Variants in DTNB observed in about 807,000 individuals in gnomAD.
The protein encoded by DTNB is dystrobrevin beta, also known as DTN-B.
A neutral mutation model predicts 90.7 loss-of-function variants in DTNB; 63 were observed. That is an observed-to-expected ratio of 0.69 (90% CI 0.57 to 0.86). DTNB has a LOEUF of 0.86. Ranked by LOEUF, DTNB falls within the 40% of genes least tolerant of loss-of-function variation. The probability of loss-of-function intolerance (pLI) is 0.00; values close to 1 mark genes in which losing one functional copy is unlikely to be tolerated. For synonymous variants in DTNB, 277 were observed against 286.7 expected, an observed-to-expected ratio of 0.97 and a Z score of 0.34; for missense variants, 744 against 807.1, an observed-to-expected ratio of 0.92 and a Z score of 0.95.
At chr2:25,499,652 T>C (rs1272468945) in intron 9 of DTNB, among the ~76,000 whole-genome samples, 1 of 152,262 alleles carries the variant, frequency 6.6e-6, no homozygotes, top group African/African-American at 2.4e-5. Flanking sequence ...CTCTTCTTTT[T>C]AAATAATACT....
At chr2:25,450,991 G>A (rs1354875590) in intron 12 of DTNB, among the ~76,000 whole-genome samples, 1 of 152,004 alleles carries the variant, frequency 6.6e-6, no homozygotes, top group East Asian at 1.9e-4. Context: ...TTTTTATAGA[G>A]ACAGCATTTC....
intron 8 of DTNB, among the ~76,000 whole-genome samples, chr2:25,538,295 C>T (rs2080307942): frequency 6.6e-6 from 1 of 152,086 alleles, no homozygotes; most frequent in Non-Finnish European, 1.5e-5. Flanking sequence ...GTCCTAGCCA[C>T]TCAGGAGGCT....
At chr2:25,504,485 G>A (rs2071795534) in intron 9 of DTNB, among the ~76,000 whole-genome samples, 1 of 144,480 alleles carries the variant, frequency 6.9e-6, no homozygotes, top group South Asian at 2.2e-4. Flanking sequence ...AAGAAGGAAA[G>A]ACAAGAAAGA....
At chr2:25,456,630 T>C (rs986601168) in intron 10 of DTNB, among the ~76,000 whole-genome samples, 3 of 152,190 alleles carry the variant, frequency 2.0e-5, no homozygotes, top group African/African-American at 7.2e-5. Flanking sequence ...TAGAGTGCAA[T>C]GGCATGATCT....
chr2:25,399,475 C>A (rs1342340619), intron 16 of DTNB: 1 of 151,568 alleles, frequency 6.6e-6, no homozygotes, highest in Non-Finnish European at 1.5e-5. Context: ...TCCTGAGTAG[C>A]TGGGATTACA....
chr2:25,590,274 G>A (rs997623783), intron 6 of DTNB, among the ~76,000 whole-genome samples: 4 of 152,162 alleles, frequency 2.6e-5, no homozygotes, highest in African/African-American at 4.8e-5. Context: ...CCCTGTTTAC[G>A]TTATAGCTCT....
chr2:25,638,557 T>G (rs1390659793), intron 3 of DTNB, among the ~76,000 whole-genome samples: 1 of 152,194 alleles, frequency 6.6e-6, no homozygotes, highest in Non-Finnish European at 1.5e-5. Flanking sequence ...CATATACATA[T>G]ATACAGACAC....
At chr2:25,572,848 TTTGCCAC>T (rs1421734994) in intron 8 of DTNB, among the ~76,000 whole-genome samples, 1 of 152,188 alleles carries the variant, frequency 6.6e-6, no homozygotes, top group Non-Finnish European at 1.5e-5. Context: ...AATGTAGTTC[TTTGCCAC>T]TTGCTTTCAA....
At chr2:25,532,737 A>G (rs769596301) in intron 8 of DTNB, among the ~76,000 whole-genome samples, 16 of 152,248 alleles carry the variant, frequency 1.1e-4, no homozygotes, top group Non-Finnish European at 2.9e-5. Flanking sequence ...ACTGTAAAAA[A>G]GTTTAAATAT....
intron 16 of DTNB, among the ~76,000 whole-genome samples, chr2:25,416,667 G>GA (rs1175210614): frequency 1.3e-5 from 2 of 151,618 alleles, no homozygotes; most frequent in East Asian, 3.9e-4. Flanking sequence ...CTCTGTCTCA[G>GA]AAAAAAGAAA....
chr2:25,642,230 T>C (rs916708867), intron 2 of DTNB, among the ~76,000 whole-genome samples: 4 of 152,270 alleles, frequency 2.6e-5, no homozygotes, highest in Admixed American at 6.5e-5. Context: ...TGTGTGTTGA[T>C]AGGAGAAGGC....
At chr2:25,556,312 T>C (rs1454703448) in intron 8 of DTNB, among the ~76,000 whole-genome samples, 2 of 151,872 alleles carry the variant, frequency 1.3e-5, no homozygotes, top group Non-Finnish European at 1.5e-5. Context: ...GGTCAAAGGT[T>C]ACATGCATTT....
chr2:25,662,505 C>T (rs1041114341), intron 1 of DTNB, among the ~76,000 whole-genome samples: 4 of 152,030 alleles, frequency 2.6e-5, no homozygotes, highest in African/African-American at 7.2e-5. Context: ...GTGATGTGAA[C>T]GAGGTACCTG....
intron 15 of DTNB, among the ~76,000 whole-genome samples, chr2:25,420,810 G>A (rs2049412894): frequency 1.3e-5 from 2 of 152,186 alleles, no homozygotes; most frequent in South Asian, 4.1e-4. Context: ...ACCTTATGGT[G>A]ATGGAACACA....
rs567055507 is a variant in DTNB at position 25,586,467 on chromosome 2, G to A, written c.604-5641C>T. Reference sequence around the variant, plus strand: ...GGAGGTTGCAGTGAGTCGAGATTGCGCCACTGCACTCCAGCCTGGGCGACA... The same window carrying A: ...GGAGGTTGCAGTGAGTCGAGATTGCACCACTGCACTCCAGCCTGGGCGACA... On this transcript the variant is annotated intron_variant, in intron 6 of 20. Transcript: ENST00000406818. 1.5e-4 allele frequency among the ~76,000 whole-genome samples: 21 copies of A among 143,166 alleles called. No homozygotes were observed. In the East Asian group the frequency reaches 3.1e-3, roughly 21 times the overall value. The allele number at this position is 143,166 out of a possible 152,430, so 93.9% of individuals were successfully genotyped here.
At chr2:25,571,065 C>G (rs1257105338) in intron 8 of DTNB, among the ~76,000 whole-genome samples, 2 of 152,212 alleles carry the variant, frequency 1.3e-5, no homozygotes, top group African/African-American at 4.8e-5. Context: ...ACAGCATTCC[C>G]CATCTCAGTC....
chr2:25,612,980 T>C (rs750664992), intron 4 of DTNB, among the ~76,000 whole-genome samples: 27 of 152,182 alleles, frequency 1.8e-4, no homozygotes, highest in Non-Finnish European at 2.9e-4. Context: ...TGGAGATCTC[T>C]AAACATTTAA....
chr2:25,380,843 C>G (rs1431341082), intron 19 of DTNB, among the ~76,000 whole-genome samples: 1 of 144,546 alleles, frequency 6.9e-6, no homozygotes, highest in Non-Finnish European at 1.6e-5. Context: ...GACCTGGAGG[C>G]CCGGGCAAGG....
intron 16 of DTNB, 191 bp downstream of exon 16, chr2:25,419,323 TG>T: frequency 1.3e-6 from 1 of 777,442 alleles, no homozygotes; most frequent in Non-Finnish European, 2.1e-6. Context: ...AGTAAGAACA[TG>T]CTCTACTGGG....
Sources: allele counts gnomAD v4.1 joint callset (sites outside exome capture counted in the v4.1 genomes callset), GRCh38; gene constraint gnomAD v4.1.1; transcripts MANE v1.5; gene names NCBI Gene and HGNC (gene_info 2026-07-23, HGNC 2026-07-21).